The following SHOC1 variants were observed in gnomAD, a reference collection of about 807,000 sequenced individuals.
The protein encoded by SHOC1 is protein shortage in chiasmata 1 ortholog.
Under a neutral mutation model 179.2 loss-of-function variants are expected in SHOC1, and 136 were observed. The observed-to-expected ratio is 0.76, with a 90% confidence interval of 0.66 to 0.87. The LOEUF (loss-of-function observed/expected upper bound fraction) is 0.87, where lower values mean the gene tolerates loss of function less well. SHOC1 is among the 40% of genes least tolerant of loss of function. The pLI, the probability that SHOC1 is intolerant of heterozygous loss-of-function variation, is 0.00. For synonymous variants in SHOC1, 489 were observed against 586.6 expected (o/e 0.83, Z 2.41); for missense variants, 1,538 against 1,700.8 (o/e 0.90, Z 1.68).
intron 27 of SHOC1, 69 bp from the exon 28 acceptor site, chr9:111,686,939 CTTTTTTTTT>C (rs10537471): frequency 1.3e-5 from 7 of 520,860 alleles, no homozygotes; most frequent in Non-Finnish European, 2.1e-5. Context: ...TTTTCTTTTC[CTTTTTTTTT>C]TTTTTTTCTT....
chr9:111,715,542 A>G (rs944735603), intron 16 of SHOC1, among the ~76,000 whole-genome samples: 3 of 152,134 alleles, frequency 2.0e-5, no homozygotes, highest in African/African-American at 7.2e-5. Flanking sequence ...GTAATCCAGT[A>G]GCATCCCTGA....
At chr9:111,772,641 C>T (rs971290665) in intron 5 of SHOC1, among the ~76,000 whole-genome samples, 2 of 152,172 alleles carry the variant, frequency 1.3e-5, no homozygotes, top group Admixed American at 1.3e-4. Flanking sequence ...TTTGCCTTGC[C>T]TCTAGCAAAT....
chr9:111,686,988 C>G, intron 27 of SHOC1, 118 bp from the exon 28 acceptor site: 1 of 549,316 alleles, frequency 1.8e-6, no homozygotes, highest in African/African-American at 2.0e-5. Flanking sequence ...CCTTGTCGCC[C>G]AGGCTGGAGT....
intron 23 of SHOC1, 84 bp from the exon 24 acceptor site, chr9:111,700,131 A>G (rs1439403395): frequency 2.4e-6 from 2 of 824,680 alleles, no homozygotes; most frequent in African/African-American, 1.8e-5. Context: ...TCCACATTTC[A>G]TAATATTTTT....
chr9:111,772,571 T>C (rs1426194423), intron 5 of SHOC1, among the ~76,000 whole-genome samples: 4 of 152,222 alleles, frequency 2.6e-5, no homozygotes, highest in African/African-American at 9.7e-5. Context: ...ATATATTTTC[T>C]TAGCAAATCT....
intron 1 of SHOC1, among the ~76,000 whole-genome samples, chr9:111,794,389 G>A (rs1411023891): frequency 6.6e-6 from 1 of 151,712 alleles, no homozygotes; most frequent in South Asian, 2.1e-4. Flanking sequence ...TTCGAGACCA[G>A]CCGGGTCAAC....
chr9:111,760,702 T>C (rs960475822), intron 5 of SHOC1, among the ~76,000 whole-genome samples: 2 of 151,738 alleles, frequency 1.3e-5, no homozygotes, highest in African/African-American at 4.8e-5. Flanking sequence ...TATCAAGGAC[T>C]AAACATAAAA....
chr9:111,775,679 G>A (rs1373038161), intron 5 of SHOC1, 112 bp downstream of exon 5: 16 of 762,754 alleles, frequency 2.1e-5, no homozygotes, highest in South Asian at 4.5e-5. Flanking sequence ...GAGTTATGCA[G>A]GTGGATCTTT....
chr9:111,790,308 C>G (rs1836405017), intron 2 of SHOC1, among the ~76,000 whole-genome samples: 2 of 152,038 alleles, frequency 1.3e-5, no homozygotes, highest in Admixed American at 6.5e-5. Flanking sequence ...TTGCACCACC[C>G]TAATATAATC....
chr9:111,722,807 T>A (rs1022755193), intron 14 of SHOC1, among the ~76,000 whole-genome samples: 1 of 152,160 alleles, frequency 6.6e-6, no homozygotes, highest in African/African-American at 2.4e-5. Flanking sequence ...ATATTATTTA[T>A]TTATTTATTC....
At position 111,705,569 on chromosome 9, in the gene SHOC1, C is replaced by T. The variant is rs546404594; in HGVS notation, c.2738-205G>A. ...CCGAGAAATAAGTTAATAGAGTTTA[C>T]TAATACCACTATACACTAAAAACAG... On this transcript the variant is annotated intron_variant, in intron 20 of 27. Transcript: ENST00000682961. Among the ~76,000 whole-genome samples, 4 of 151,698 alleles carry T rather than the reference C, an allele frequency of 2.6e-5. No homozygotes were observed. In the East Asian group the frequency reaches 7.8e-4, roughly 29 times the overall value.
chr9:111,759,928 A>G lies in SHOC1; in HGVS notation c.443-1080T>C, dbSNP rs140234929. On this transcript the variant is annotated intron_variant, in intron 5 of 27. Coordinates refer to ENST00000682961, the MANE Select transcript of SHOC1 (RefSeq NM_001378211.1). ...TTTATCTGAACTTAAGTTCCTGACA[A>G]TCTCATGGCCAAAAGCTTCCCATGA... Among the ~76,000 whole-genome samples the G allele has an allele frequency of 4.2e-3, 645 of 152,280 alleles. 5 individuals are homozygous for G. Among genetic ancestry groups the G allele is most frequent in the African/African-American group, 0.015 (608 of 41,564 alleles).
At position 111,785,962 on chromosome 9, in the gene SHOC1, C is replaced by A. The variant is rs1395823905; in HGVS notation, c.119G>T (p.Ser40Ile). The change falls in exon 3 of 28, where the codon AGT becomes ATT. Residue 40 changes from serine (S) to isoleucine (I), a missense_variant. Coordinates refer to ENST00000682961, the MANE Select transcript of SHOC1 (RefSeq NM_001378211.1). ...ATTATCAGTAACTGCTACATGGTAA[C>A]TTTCATCTTGATATAAACATGAAGG... ...RIPSCLYQDESYHVAVTDNKF... is the reference protein window; with the variant it reads ...RIPSCLYQDEIYHVAVTDNKF... 1.3e-6 allele frequency: 2 copies of A among 1,529,450 alleles called. No individual in the cohort carries two copies. Among genetic ancestry groups the A allele is most frequent in the Non-Finnish European group, 1.8e-6 (2 of 1,138,322 alleles). The allele number at this position is 1,529,450 out of a possible 1,614,324, so 94.7% of individuals were successfully genotyped here.
chr9:111,777,441 A>C (rs1328087512), intron 4 of SHOC1, among the ~76,000 whole-genome samples: 1 of 100,616 alleles, frequency 9.9e-6, no homozygotes, highest in Non-Finnish European at 2.4e-5. Flanking sequence ...GCCTACACCC[A>C]GGAATGAACA....
At chr9:111,769,979 TTTTTTTG>T (rs1835515714) in intron 5 of SHOC1, among the ~76,000 whole-genome samples, 1 of 43,334 alleles carries the variant, frequency 2.3e-5, no homozygotes, top group Non-Finnish European at 4.9e-5. Flanking sequence ...TCTTCTGTTT[TTTTTTTG>T]TTTTTTTTTT....
intron 20 of SHOC1, 65 bp from the exon 21 acceptor site, chr9:111,705,429 T>G (rs1361721693): frequency 5.6e-5 from 40 of 716,576 alleles, no homozygotes; most frequent in Non-Finnish European, 8.0e-5. Context: ...TTCTCTTTTT[T>G]TTTTTACTAA....
At chr9:111,790,048 C>T (rs1836397008) in intron 2 of SHOC1, among the ~76,000 whole-genome samples, 1 of 152,136 alleles carries the variant, frequency 6.6e-6, no homozygotes, top group African/African-American at 2.4e-5. Flanking sequence ...CAGACTGTTG[C>T]ATGACAATTG....
rs575283517 is a variant in SHOC1 at position 111,710,050 on chromosome 9, C to G, written c.2489-2126G>C. Among the ~76,000 whole-genome samples, 176 of 152,242 alleles carry G rather than the reference C, an allele frequency of 1.2e-3. 1 individual carries two copies. The highest frequency in any genetic ancestry group is 3.4e-3 in the Middle Eastern group (1 of 294). On this transcript the variant is annotated intron_variant, in intron 18 of 27. Coordinates refer to ENST00000682961, the MANE Select transcript of SHOC1 (RefSeq NM_001378211.1). Reference sequence around the variant, plus strand: ...TCACAAAAATATTCCTTTGGTTATCCAAGTCCCTTTCTTTTATAGTGCAAA... The same window carrying G: ...TCACAAAAATATTCCTTTGGTTATCGAAGTCCCTTTCTTTTATAGTGCAAA...
chr9:111,789,622 C>T (rs973626735), intron 2 of SHOC1, among the ~76,000 whole-genome samples: 3 of 152,096 alleles, frequency 2.0e-5, no homozygotes, highest in Non-Finnish European at 4.4e-5. Context: ...GTTATTTGAG[C>T]GGTTCCTCAA....
Sources: gnomAD v4.1 joint callset for allele counts (sites outside exome capture counted in the v4.1 genomes callset) on GRCh38, gnomAD v4.1.1 for gene constraint, MANE v1.5 for transcripts, NCBI Gene and HGNC (gene_info 2026-07-23, HGNC 2026-07-21) for gene names.